The following SGO1 variants were observed in gnomAD, a reference collection of about 807,000 sequenced individuals.
SGO1 encodes serologically defined breast cancer antigen NY-BR-85.
Under a neutral mutation model 50.5 loss-of-function variants are expected in SGO1, and 39 were observed. The ratio of observed to expected loss-of-function variants is 0.77; its 90% confidence interval spans 0.60 to 1.01. SGO1 has a LOEUF of 1.01. Among genes scored for constraint, SGO1 ranks in the 50% least tolerant of loss-of-function variants. SGO1 has a pLI of 0.00. For missense variants in SGO1, 638 were observed against 606.0 expected (o/e 1.05, Z -0.55); for synonymous variants, 191 against 205.1 (o/e 0.93, Z 0.59).
chr3:20,170,254 C>T lies in SGO1; in HGVS notation c.*450G>A, dbSNP rs1159348928. 22 of 455,600 alleles carry T rather than the reference C, an allele frequency of 4.8e-5. No individual in the cohort carries two copies. Among genetic ancestry groups the T allele is most frequent in the African/African-American group, 1.1e-4 (5 of 46,956 alleles). 28.2% of individuals were successfully genotyped at this position (455,600 alleles called of 1,614,324 possible). ...TCTCTACTAAAAATACAAAATTAGC[C>T]GGGCGTAGTGGCACATGCCTGTAGT... On this transcript the variant is annotated 3_prime_UTR_variant, in exon 8 of 8. Transcript: ENST00000412997.
At position 20,176,594 on chromosome 3, in the gene SGO1, G is replaced by C. The variant is rs1701416309; in HGVS notation, c.475+7C>G. 2 of 1,541,646 alleles carry C rather than the reference G, an allele frequency of 1.3e-6. No homozygotes were observed. The highest frequency in any genetic ancestry group is 1.8e-6 in the Non-Finnish European group (2 of 1,141,838). On this transcript the variant is annotated splice_region_variant and intron_variant, in intron 5 of 7. Coordinates refer to ENST00000412997, the MANE Select transcript of SGO1 (RefSeq NM_001199251.3). ...TAATAATATTTTTAGATTTTCACTT[G>C]AATTACCTTCTATTTGAAATGATTC...
Position 20,186,149 on chromosome 3 carries a change from G to A in SGO1, c.-209C>T, listed in dbSNP as rs1702651534. ...CCAGCCACGGCTAGCCCCGCGCACT[G>A]GGCCCTCCAGGACCGTACCACCGTC... is the stretch of plus-strand genomic sequence containing the variant. On this transcript the variant is annotated 5_prime_UTR_variant, in exon 1 of 8. Transcript: ENST00000412997. The A allele has an allele frequency of 6.6e-6, 1 of 152,574 alleles. No individual in the cohort carries two copies. The highest frequency in any genetic ancestry group is 2.4e-5 in the African/African-American group (1 of 41,468). 9.5% of individuals were successfully genotyped at this position (152,574 alleles called of 1,614,324 possible).
chr3:20,161,009 C>T, exon 9 of SGO1: 1 of 1,562,964 alleles, frequency 6.4e-7, no homozygotes, highest in Non-Finnish European at 8.7e-7. Context: ...CTCCATCTCT[C>T]CCCCAACACA....
rs201666618 is a variant in SGO1, at chr3:20,174,944, T to G, written c.587A>C (p.Lys196Thr). The part of the protein sequence containing the change: ...PRTVSVRSSL[K>T]KHCNSICQFD... ...CTGACATATACTGTTACAATGTTTC[T>G]TTAAACTGCTACGAACAGATACAGT... The change falls in exon 6 of 8, where the codon AAG becomes ACG. Residue 196 changes from lysine (K) to threonine (T), a missense_variant. Coordinates refer to ENST00000412997, the MANE Select transcript of SGO1 (RefSeq NM_001199251.3). 12 of 1,613,992 alleles carry G rather than the reference T, an allele frequency of 7.4e-6. No individual in the cohort carries two copies. Among genetic ancestry groups the G allele is most frequent in the Non-Finnish European group, 1.0e-5 (12 of 1,179,972 alleles).
In SGO1 at chr3:20,174,280, C is replaced by T. The variant is rs577213023; in HGVS notation, c.1251G>A (p.Thr417=). 61 of 1,614,082 alleles carry T rather than the reference C, an allele frequency of 3.8e-5. No individual in the cohort carries two copies. The highest frequency in any genetic ancestry group is 2.0e-4 in the South Asian group (18 of 91,068). Residue 417 remains threonine (T), a synonymous_variant, in exon 6 of 8, where the codon ACG becomes ACA. Coordinates refer to ENST00000412997, the MANE Select transcript of SGO1 (RefSeq NM_001199251.3). ...RALKYTDEKE[T]EGSKPTKTPT... ...GAGTTTTTGTTGGCTTAGAACCCTC[C>T]GTCTCTTTTTCATCTGTGTATTTCA...
chr3:20,182,529 A>G (rs1161584670), intron 3 of SGO1, among the ~76,000 whole-genome samples: 1 of 152,162 alleles, frequency 6.6e-6, no homozygotes, highest in African/African-American at 2.4e-5. Context: ...GCTACTGGAA[A>G]AAGGGAAAAA....
At chr3:20,174,147 AACCTCC>A in intron 6 of SGO1, 96 bp downstream of exon 6, 1 of 952,414 alleles carries the variant, frequency 1.0e-6, no homozygotes, top group Non-Finnish European at 1.6e-6. Flanking sequence ...GTAAGTCTCC[AACCTCC>A]ACCAGAGAAA....
intron 3 of SGO1, among the ~76,000 whole-genome samples, chr3:20,179,886 ATAT>A (rs1281573673): frequency 6.6e-6 from 1 of 152,210 alleles, no homozygotes; most frequent in Non-Finnish European, 1.5e-5. Flanking sequence ...CCTGTTTTGC[ATAT>A]TATTACTGCA....
At chr3:20,172,321 G>A (rs1411775188) in intron 6 of SGO1, among the ~76,000 whole-genome samples, 3 of 152,082 alleles carry the variant, frequency 2.0e-5, no homozygotes, top group Non-Finnish European at 2.9e-5. Flanking sequence ...AACTAACATG[G>A]AGAAAGCCTG....
rs530854081 is a variant in SGO1 at position 20,183,391 on chromosome 3, G to C, written c.339+217C>G. 3.9e-5 allele frequency among the ~76,000 whole-genome samples: 6 copies of C among 152,322 alleles called. No homozygotes were observed. In the South Asian group the frequency reaches 1.2e-3, roughly 32 times the overall value. On this transcript the variant is annotated intron_variant, in intron 3 of 7. Transcript: ENST00000412997. Reference sequence around the variant, plus strand: ...GATCCTGTTTTGCTACCTGCTTTAAGAATGAAACAGGCAGGAACAGGCCTC... The same window carrying C: ...GATCCTGTTTTGCTACCTGCTTTAACAATGAAACAGGCAGGAACAGGCCTC...
chr3:20,162,048 T>A (rs752099382), intron 8 of SGO1, among the ~76,000 whole-genome samples: 19 of 152,146 alleles, frequency 1.2e-4, no homozygotes, highest in Non-Finnish European at 1.9e-4. Flanking sequence ...AGTAATATCA[T>A]TGAGTTGAAG....
At chr3:20,161,329 C>A in intron 8 of SGO1, 3 of 1,385,570 alleles carry the variant, frequency 2.2e-6, no homozygotes, top group Non-Finnish European at 1.9e-6. Context: ...GATGAGCTCA[C>A]AATAAAAAAT....
At position 20,169,863 on chromosome 3, in the gene SGO1, T is replaced by A; in HGVS notation, c.*841A>T. The A allele has an allele frequency of 1.0e-6, 1 of 981,548 alleles. No individual in the cohort carries two copies. The highest frequency in any genetic ancestry group is 1.2e-6 in the Non-Finnish European group (1 of 826,400). 60.8% of individuals were successfully genotyped at this position (981,548 alleles called of 1,614,324 possible). A position where few individuals can be genotyped will look rare whatever the true frequency, so the allele number is the denominator to read the frequency against. On this transcript the variant is annotated 3_prime_UTR_variant, in exon 8 of 8. Coordinates refer to ENST00000412997, the MANE Select transcript of SGO1 (RefSeq NM_001199251.3). ...ATATAACAGTGGTATAAGGAATTCA[T>A]AAACAACTTAGGGTGTACCCTACTG...
chr3:20,171,313 T>C, intron 6 of SGO1, 81 bp from the exon 7 acceptor site: 1 of 1,114,308 alleles, frequency 9.0e-7, no homozygotes, highest in Non-Finnish European at 1.2e-6. Context: ...TGTATATATC[T>C]TAACTGTACA....
At chr3:20,171,349 T>A in intron 6 of SGO1, 117 bp from the exon 7 acceptor site, 23 of 753,186 alleles carry the variant, frequency 3.1e-5, no homozygotes, top group Non-Finnish European at 3.7e-5. Context: ...AATAATAGAA[T>A]TTTTTTTTAG....
chr3:20,175,014 A>C lies in SGO1; in HGVS notation c.517T>G (p.Phe173Val), dbSNP rs747673228. The C allele has an allele frequency of 1.0e-5, 16 of 1,589,580 alleles. No homozygotes were observed. The highest frequency in any genetic ancestry group is 1.4e-5 in the Non-Finnish European group (16 of 1,167,412). Residue 173 changes from phenylalanine to valine, a missense_variant, in exon 6 of 8, where the codon TTT becomes GTT. By Grantham distance (50) the Phe-to-Val change is conservative. Transcript: ENST00000412997. ...TIPQDTLGVD[F>V]DSGEAKSTDN... Reference sequence around the variant, plus strand: ...GTAGACTTAGCTTCACCTGAATCAAAATCAACTCCCAGTGTGTCTTGAGGA... The same window carrying C: ...GTAGACTTAGCTTCACCTGAATCAACATCAACTCCCAGTGTGTCTTGAGGA...
chr3:20,163,713 T>C, intron 8 of SGO1, among the ~76,000 whole-genome samples: 1 of 152,192 alleles, frequency 6.6e-6, no homozygotes, highest in South Asian at 2.1e-4. Context: ...TGCCAGTGAA[T>C]ATTCTTGGGG....
chr3:20,171,196 C>A lies in SGO1; in HGVS notation c.1319G>T (p.Ser440Ile). Residue 440 changes from serine (S) to isoleucine (I), a missense_variant, in exon 7 of 8, where the codon AGC (serine) becomes ATC (isoleucine). Transcript: ENST00000412997. ...GGAGACATTGGTGATATCCTTCAGG[C>A]TAAGATGAGGTGACTGCTGAGTTTC... ...PPETQQSPHLSLKDITNVSLY... is the reference protein window; with the variant it reads ...PPETQQSPHLILKDITNVSLY... 1 of 1,606,614 alleles carries A rather than the reference C, an allele frequency of 6.2e-7. No homozygotes were observed. Among genetic ancestry groups the A allele is most frequent in the Non-Finnish European group, 8.5e-7 (1 of 1,177,710 alleles).
At chr3:20,161,945 G>C (rs1700062029) in intron 8 of SGO1, among the ~76,000 whole-genome samples, 1 of 152,182 alleles carries the variant, frequency 6.6e-6, no homozygotes, top group Non-Finnish European at 1.5e-5. Flanking sequence ...ATTCCAGAGA[G>C]AAGGAAAATA....
Sources: gnomAD v4.1 joint callset for allele counts (sites outside exome capture counted in the v4.1 genomes callset) on GRCh38, gnomAD v4.1.1 for gene constraint, MANE v1.5 for transcripts, NCBI Gene and HGNC (gene_info 2026-07-23, HGNC 2026-07-21) for gene names.